COL25A1: variants seen among roughly 807,000 people sequenced by gnomAD.
COL25A1 encodes collagen type XXV alpha 1 chain.
Under a neutral mutation model 128.4 loss-of-function variants are expected in COL25A1, and 103 were observed. The ratio of observed to expected loss-of-function variants is 0.80; its 90% CI spans 0.68 to 0.94. COL25A1 has a LOEUF of 0.94. Ranked by LOEUF, COL25A1 falls within the 40% of genes least tolerant of loss-of-function variation. COL25A1 has a pLI of 0.00. For missense variants in COL25A1, 745 were observed against 840.0 expected (o/e 0.89, Z 1.40); for synonymous variants, 279 against 277.2 (o/e 1.01, Z -0.06).
intron 3 of COL25A1, among the ~76,000 whole-genome samples, chr4:109,117,493 C>T (rs1456214228): frequency 1.3e-5 from 2 of 151,842 alleles, no homozygotes; most frequent in Non-Finnish European, 2.9e-5. Context: ...AACCACCTTG[C>T]AATAAATATT....
At chr4:109,230,241 T>C (rs1779072894) in intron 3 of COL25A1, among the ~76,000 whole-genome samples, 1 of 152,086 alleles carries the variant, frequency 6.6e-6, no homozygotes, top group African/African-American at 2.4e-5. Context: ...GAATTGCAAA[T>C]ACAAAATCAA....
chr4:109,183,588 C>G (rs781338423), intron 3 of COL25A1, among the ~76,000 whole-genome samples: 37 of 152,166 alleles, frequency 2.4e-4, no homozygotes, highest in Middle Eastern at 3.4e-3. Flanking sequence ...AGTATTTTAT[C>G]TTTGTATAGA....
chr4:108,956,051 A>G (rs1750037611), intron 8 of COL25A1, among the ~76,000 whole-genome samples: 1 of 152,198 alleles, frequency 6.6e-6, no homozygotes, highest in African/African-American at 2.4e-5. Flanking sequence ...GAAATAGAAG[A>G]GAGAAAAAGG....
chr4:109,019,739 T>C (rs2126062160), intron 5 of COL25A1, among the ~76,000 whole-genome samples: 1 of 152,106 alleles, frequency 6.6e-6, no homozygotes, highest in South Asian at 2.1e-4. Context: ...AGATGAGACT[T>C]GGGTGGGGAT....
intron 3 of COL25A1, among the ~76,000 whole-genome samples, chr4:109,276,086 A>C (rs1391234750): frequency 5.3e-5 from 8 of 152,192 alleles, no homozygotes; most frequent in Non-Finnish European, 8.8e-5. Flanking sequence ...ACATGTTCTT[A>C]CTGGATGATA....
At chr4:109,146,997 C>T (rs1406715510) in intron 3 of COL25A1, among the ~76,000 whole-genome samples, 1 of 151,768 alleles carries the variant, frequency 6.6e-6, no homozygotes, top group East Asian at 1.9e-4. Flanking sequence ...CGTGTAAAAC[C>T]CAAAAAAAAC....
At chr4:109,072,926 T>G (rs1763094814) in intron 3 of COL25A1, among the ~76,000 whole-genome samples, 1 of 152,216 alleles carries the variant, frequency 6.6e-6, no homozygotes, top group Non-Finnish European at 1.5e-5. Context: ...GCCCTGACTC[T>G]GCAGCACAGT....
At chr4:108,901,819 C>T (rs1039854296) in intron 13 of COL25A1, among the ~76,000 whole-genome samples, 1 of 151,962 alleles carries the variant, frequency 6.6e-6, no homozygotes, top group South Asian at 2.1e-4. Flanking sequence ...GAAAAATTTC[C>T]TATTTCAGAA....
intron 3 of COL25A1, among the ~76,000 whole-genome samples, chr4:109,280,238 T>A (rs1264265789): frequency 1.3e-5 from 2 of 152,180 alleles, no homozygotes; most frequent in Non-Finnish European, 2.9e-5. Context: ...AAAAAACACC[T>A]CAAATACCCA....
Position 108,824,348 on chromosome 4 carries a change from G to C in COL25A1, c.1792-121C>G, listed in dbSNP as rs1358343916. 4.4e-6 allele frequency: 3 copies of C among 687,194 alleles called. No homozygotes were observed. The Admixed American group carries it at 8.6e-5, about 20-fold the overall frequency. The allele number at this position is 687,194 out of a possible 1,614,324, so 42.6% of individuals were successfully genotyped here. On this transcript the variant is annotated intron_variant, in intron 34 of 37. Transcript: ENST00000399132. ...AAATATAACAAGAAATGGCTCACCA[G>C]TGTTAAGACTTAGATAATAAAGCAG... is the stretch of plus-strand genomic sequence containing the variant.
intron 11 of COL25A1, among the ~76,000 whole-genome samples, chr4:108,932,406 T>C (rs1378273349): frequency 6.6e-6 from 1 of 152,222 alleles, no homozygotes; most frequent in African/African-American, 2.4e-5. Context: ...GTAAACTGTT[T>C]GGACAAAAGT....
At chr4:108,941,329 AAAG>A (rs777408533) in intron 9 of COL25A1, 34 bp downstream of exon 9, 12 of 1,545,770 alleles carry the variant, frequency 7.8e-6, no homozygotes, top group Non-Finnish European at 1.1e-5. Context: ...TAACTGATGT[AAAG>A]AAGAAATCAG....
chr4:109,220,479 A>T (rs747308118), intron 3 of COL25A1, among the ~76,000 whole-genome samples: 1 of 152,210 alleles, frequency 6.6e-6, no homozygotes, highest in Non-Finnish European at 1.5e-5. Context: ...CCCCCATGGA[A>T]TGCAGGGAAT....
intron 8 of COL25A1, among the ~76,000 whole-genome samples, chr4:108,942,825 C>T (rs1341640841): frequency 2.1e-5 from 3 of 141,340 alleles, no homozygotes; most frequent in African/African-American, 8.1e-5. Context: ...GTTACAATCT[C>T]AGCTCACTGA....
intron 3 of COL25A1, among the ~76,000 whole-genome samples, chr4:109,294,107 A>G (rs1408658527): frequency 1.3e-5 from 2 of 152,112 alleles, no homozygotes; most frequent in Non-Finnish European, 1.5e-5. Context: ...TGCTTCCTCC[A>G]TGAATCTTTT....
chr4:109,050,431 T>C (rs1388525500), intron 3 of COL25A1, among the ~76,000 whole-genome samples: 2 of 152,150 alleles, frequency 1.3e-5, no homozygotes, highest in Non-Finnish European at 2.9e-5. Flanking sequence ...TTGGGAATTT[T>C]TGTTCATCCT....
At chr4:108,920,518 TG>T in intron 12 of COL25A1, 59 bp downstream of exon 12, 1 of 1,334,854 alleles carries the variant, frequency 7.5e-7, no homozygotes, top group Non-Finnish European at 1.0e-6. Context: ...TCACCTCTCC[TG>T]CTTGCCATTA....
intron 19 of COL25A1, among the ~76,000 whole-genome samples, chr4:108,872,747 C>T (rs192709371): frequency 6.6e-6 from 1 of 151,074 alleles, no homozygotes; most frequent in African/African-American, 2.4e-5. Flanking sequence ...TACATATATA[C>T]ACACACATAT....
rs185820220 is a variant in COL25A1, at chr4:109,176,207, T to A, written c.367+124376A>T. Among the ~76,000 whole-genome samples, 182 of 152,232 alleles carry A rather than the reference T, an allele frequency of 1.2e-3. 1 individual carries two copies. Among genetic ancestry groups the A allele is most frequent in the African/African-American group, 4.0e-3 (166 of 41,542 alleles). On this transcript the variant is annotated intron_variant, in intron 3 of 37. Coordinates refer to ENST00000399132, the MANE Select transcript of COL25A1 (RefSeq NM_198721.4). ...GAGATCAAGACCATCCTGGCCAACA[T>A]GGTGAAACCCTGTCTCTACTAAAAT...
Sources: allele counts gnomAD v4.1 joint callset (sites outside exome capture counted in the v4.1 genomes callset), GRCh38; gene constraint gnomAD v4.1.1; transcripts MANE v1.5; gene names NCBI Gene and HGNC (gene_info 2026-07-23, HGNC 2026-07-21).